The following METTL24 variants were observed in gnomAD, a reference collection of about 807,000 sequenced individuals.
METTL24 encodes probable methyltransferase-like protein 24.
In METTL24, 29 loss-of-function variants were observed where a neutral mutation model predicts 32.7. That is an observed-to-expected ratio of 0.89 (90% CI 0.66 to 1.21). METTL24 has a LOEUF of 1.21. Ranked by LOEUF, METTL24 falls within the 50% of genes most tolerant of loss-of-function variation. The pLI is 0.00. For synonymous variants in METTL24, 163 were observed against 179.5 expected (o/e 0.91, Z 0.73); for missense variants, 439 against 468.1 (o/e 0.94, Z 0.57).
chr6:110,328,148 G>C (rs530993963), intron 1 of METTL24, among the ~76,000 whole-genome samples: 1 of 152,182 alleles, frequency 6.6e-6, no homozygotes, highest in Non-Finnish European at 1.5e-5. Flanking sequence ...TGCAGGAGTG[G>C]GGACCCCCTC....
chr6:110,276,198 C>A (rs1000808110), intron 4 of METTL24, among the ~76,000 whole-genome samples: 3 of 152,134 alleles, frequency 2.0e-5, no homozygotes, highest in African/African-American at 7.2e-5. Flanking sequence ...TTTAAGAGGC[C>A]AAGGCCCAAG....
chr6:110,279,907 G>A (rs1271013833), intron 4 of METTL24, among the ~76,000 whole-genome samples: 1 of 152,200 alleles, frequency 6.6e-6, no homozygotes, highest in Non-Finnish European at 1.5e-5. Flanking sequence ...CAGGAAGCAT[G>A]ATGCTGGCAT....
intron 1 of METTL24, chr6:110,332,335 G>T: frequency 5.6e-6 from 1 of 179,642 alleles, no homozygotes; most frequent in Non-Finnish European, 1.1e-5. Context: ...GGTCAAAATG[G>T]TTCAAATGTG....
chr6:110,327,519 T>C (rs77326715), intron 1 of METTL24, among the ~76,000 whole-genome samples: 5,326 of 152,260 alleles, frequency 0.035, 357 homozygotes, highest in African/African-American at 0.12. Flanking sequence ...ACACCGCAAA[T>C]AGATGCCCTC....
chr6:110,294,923 T>C (rs891522334), intron 4 of METTL24, among the ~76,000 whole-genome samples: 7 of 151,908 alleles, frequency 4.6e-5, no homozygotes, highest in Non-Finnish European at 1.5e-5. Context: ...TACAGGGCAG[T>C]ATCAATCTCT....
At chr6:110,269,446 C>T (rs1770914888) in intron 4 of METTL24, among the ~76,000 whole-genome samples, 1 of 152,128 alleles carries the variant, frequency 6.6e-6, no homozygotes, top group Non-Finnish European at 1.5e-5. Flanking sequence ...CCACTGATGA[C>T]TGCAAACAGC....
In METTL24 at chr6:110,299,167, C is replaced by A. The variant is rs780801575; in HGVS notation, c.558-17G>T. ...CTTCCTAGCCTATAAAGAAAGAGGACGGAAATCAACAACAAAAAATGCAAT... is the reference window on the plus strand; with the variant it reads ...CTTCCTAGCCTATAAAGAAAGAGGAAGGAAATCAACAACAAAAAATGCAAT... On this transcript the variant is annotated splice_polypyrimidine_tract_variant and intron_variant, in intron 3 of 4. Coordinates refer to ENST00000338882, the MANE Select transcript of METTL24 (RefSeq NM_001123364.3). 6.2e-7 allele frequency: 1 copy of A among 1,605,242 alleles called. No homozygotes were observed. Among genetic ancestry groups the A allele is most frequent in the South Asian group, 1.1e-5 (1 of 90,976 alleles).
chr6:110,290,347 C>A (rs1050361574), intron 4 of METTL24, among the ~76,000 whole-genome samples: 1 of 152,216 alleles, frequency 6.6e-6, no homozygotes, highest in Non-Finnish European at 1.5e-5. Context: ...GCTCCCTCAC[C>A]ACCTGCCCTA....
rs200342265 is a variant in METTL24, at chr6:110,315,479, A to G, written c.420T>C (p.Ile140=). ...TGTCTGTATTCATGTGATTGCATGC[A>G]ATCTGTAAAGATTGGAAATCAATGT... ...RFLRYISTTQ[I]ACNHMNTDSL... Residue 140 remains isoleucine (I), a splice_region_variant and synonymous_variant, in exon 3 of 5, where the codon ATT becomes ATC. Transcript: ENST00000338882. 4.5e-5 allele frequency: 72 copies of G among 1,613,776 alleles called. No homozygotes were observed. The highest frequency in any genetic ancestry group is 5.6e-5 in the Non-Finnish European group (66 of 1,179,944).
In METTL24 at chr6:110,281,929, G is replaced by A. The variant is rs540725620; in HGVS notation, c.786+16993C>T. 9.7e-4 allele frequency among the ~76,000 whole-genome samples: 148 copies of A among 152,206 alleles called. 2 individuals carry two copies. The highest frequency in any genetic ancestry group is 3.5e-3 in the African/African-American group (145 of 41,540). The stretch of plus-strand genomic sequence containing the variant: ...CACTAAGTAAAATATTTTCAAAGAT[G>A]TGAATACTCACCACCTACATTGTTT... On this transcript the variant is annotated intron_variant, in intron 4 of 4. Coordinates refer to ENST00000338882, the MANE Select transcript of METTL24 (RefSeq NM_001123364.3).
chr6:110,334,202 T>C (rs1180583401), intron 1 of METTL24, among the ~76,000 whole-genome samples: 1 of 152,138 alleles, frequency 6.6e-6, no homozygotes, highest in African/African-American at 2.4e-5. Context: ...CCCCGAGGTC[T>C]CTTTGGTGGC....
chr6:110,322,454 A>C (rs991440710), intron 2 of METTL24, among the ~76,000 whole-genome samples: 1 of 152,172 alleles, frequency 6.6e-6, no homozygotes, highest in South Asian at 2.1e-4. Flanking sequence ...TCGACTGCCT[A>C]CTCACGGGGA....
chr6:110,306,776 C>A (rs1771634565), intron 3 of METTL24, among the ~76,000 whole-genome samples: 1 of 152,138 alleles, frequency 6.6e-6, no homozygotes, highest in Non-Finnish European at 1.5e-5. Flanking sequence ...ATGTAATATG[C>A]ACAGGTGTTA....
rs117215533 is a variant in METTL24 at position 110,331,342 on chromosome 6, C to A, written c.319-8470G>T. On this transcript the variant is annotated intron_variant, in intron 1 of 4. Transcript: ENST00000338882. ...TTCCAGAGGAGGGGAAGAAAGAATG[C>A]AGTGCAGGAAAAAAAAAAATTAAAG... 9.4e-3 allele frequency among the ~76,000 whole-genome samples: 1,390 copies of A among 147,914 alleles called. 47 individuals are homozygous for A. In the East Asian group the frequency reaches 0.12, roughly 12 times the overall value.
chr6:110,334,955 T>C (rs145166387), intron 1 of METTL24, among the ~76,000 whole-genome samples: 2 of 152,316 alleles, frequency 1.3e-5, no homozygotes, highest in Admixed American at 6.5e-5. Flanking sequence ...GAATGCACTA[T>C]AAGTTATAGT....
intron 3 of METTL24, among the ~76,000 whole-genome samples, chr6:110,308,919 T>C (rs1771670549): frequency 6.6e-6 from 1 of 151,882 alleles, no homozygotes; most frequent in South Asian, 2.1e-4. Context: ...AAACAGAAAA[T>C]AGAATAGTGA....
At chr6:110,263,709 G>A (rs1042998621) in intron 4 of METTL24, among the ~76,000 whole-genome samples, 50 of 152,252 alleles carry the variant, frequency 3.3e-4, no homozygotes, top group Admixed American at 7.8e-4. Context: ...CACGCTACCT[G>A]ACTTCAAACT....
At chr6:110,272,927 T>G (rs1038592534) in intron 4 of METTL24, among the ~76,000 whole-genome samples, 1 of 152,232 alleles carries the variant, frequency 6.6e-6, no homozygotes, top group Admixed American at 6.5e-5. Context: ...CTGTTTACTT[T>G]GCTGATTATT....
intron 3 of METTL24, among the ~76,000 whole-genome samples, chr6:110,304,760 C>T (rs1194215259): frequency 6.6e-6 from 1 of 152,120 alleles, no homozygotes; most frequent in African/African-American, 2.4e-5. Context: ...AGAACTTCCC[C>T]AACATAGCAA....
Sources: allele counts gnomAD v4.1 joint callset (sites outside exome capture counted in the v4.1 genomes callset), GRCh38; gene constraint gnomAD v4.1.1; transcripts MANE v1.5; gene names NCBI Gene and HGNC (gene_info 2026-07-23, HGNC 2026-07-21).